LRRTM4: variants seen among roughly 807,000 people sequenced by gnomAD.
The protein encoded by LRRTM4 is leucine-rich repeat transmembrane neuronal protein 4.
LRRTM4 carries 25 observed loss-of-function variants against 47.6 expected under a neutral mutation model. The observed-to-expected ratio is 0.53, with a 90% CI of 0.38 to 0.73. LRRTM4 has a LOEUF of 0.73. Among genes scored for constraint, LRRTM4 ranks in the 30% least tolerant of loss-of-function variants. LRRTM4 has a pLI of 0.00. For missense variants in LRRTM4, 638 were observed against 713.4 expected, an observed-to-expected ratio of 0.89 and a Z score of 1.20; for synonymous variants, 311 against 269.5, an observed-to-expected ratio of 1.15 and a Z score of -1.51.
intron 3 of LRRTM4, among the ~76,000 whole-genome samples, chr2:77,066,268 A>G (rs901998318): frequency 2.6e-5 from 4 of 152,190 alleles, no homozygotes; most frequent in Non-Finnish European, 2.9e-5. Flanking sequence ...TCATCTATAA[A>G]ACTGGGTTAA....
At chr2:77,270,037 C>A (rs1039721476) in intron 3 of LRRTM4, among the ~76,000 whole-genome samples, 1 of 152,176 alleles carries the variant, frequency 6.6e-6, no homozygotes, top group Admixed American at 6.5e-5. Flanking sequence ...CATAGGCATG[C>A]ACTAAAGTAG....
chr2:77,035,728 T>G (rs1659782997), intron 3 of LRRTM4, among the ~76,000 whole-genome samples: 1 of 151,840 alleles, frequency 6.6e-6, no homozygotes, highest in Non-Finnish European at 1.5e-5. Flanking sequence ...CTTTTATTTC[T>G]AAGTACACTT....
chr2:76,907,212 T>C (rs1208604376), intron 3 of LRRTM4, among the ~76,000 whole-genome samples: 1 of 151,922 alleles, frequency 6.6e-6, no homozygotes, highest in Non-Finnish European at 1.5e-5. Flanking sequence ...CTCAACTACA[T>C]GGAAACTGTA....
intron 3 of LRRTM4, among the ~76,000 whole-genome samples, chr2:77,497,989 A>C (rs1678425511): frequency 6.6e-6 from 1 of 151,872 alleles, no homozygotes. Context: ...ACATATAAAT[A>C]CAGATTGACA....
At chr2:76,919,608 G>T (rs144639506) in intron 3 of LRRTM4, among the ~76,000 whole-genome samples, 1 of 152,010 alleles carries the variant, frequency 6.6e-6, no homozygotes, top group Non-Finnish European at 1.5e-5. Flanking sequence ...TGTGAAAGCC[G>T]ATACGAGCCC....
intron 3 of LRRTM4, among the ~76,000 whole-genome samples, chr2:77,314,936 C>T (rs1405463790): frequency 2.6e-5 from 4 of 152,150 alleles, no homozygotes; most frequent in Non-Finnish European, 2.9e-5. Flanking sequence ...CTGCAGCGTA[C>T]TATGCTGTCA....
chr2:77,218,374 C>CT (rs1038250007), intron 3 of LRRTM4, among the ~76,000 whole-genome samples: 7 of 152,010 alleles, frequency 4.6e-5, no homozygotes, highest in East Asian at 3.9e-4. Context: ...TTATTTCAGA[C>CT]TTTTTTTATC....
At chr2:76,803,768 G>C (rs1170039825) in intron 3 of LRRTM4, among the ~76,000 whole-genome samples, 1 of 152,158 alleles carries the variant, frequency 6.6e-6, no homozygotes, top group East Asian at 1.9e-4. Flanking sequence ...TGGATATTGT[G>C]AAGGTTTCCT....
intron 3 of LRRTM4, among the ~76,000 whole-genome samples, chr2:77,421,698 CTCCATCTCAAAAAAAAAAAGGAAGA>C (rs1674898139): frequency 6.7e-6 from 1 of 150,368 alleles, no homozygotes; most frequent in African/African-American, 2.5e-5. Context: ...CAGAGGGAGA[CTCCATCTCAAAAAAAAAAAGGAAGA>C]GTCCAGACAC....
At chr2:77,151,980 C>T (rs576634847) in intron 3 of LRRTM4, among the ~76,000 whole-genome samples, 1 of 152,262 alleles carries the variant, frequency 6.6e-6, no homozygotes, top group South Asian at 2.1e-4. Flanking sequence ...AGGAAATACA[C>T]ATGTAGGCAA....
At chr2:76,805,713 A>T (rs184855961) in intron 3 of LRRTM4, among the ~76,000 whole-genome samples, 3 of 152,202 alleles carry the variant, frequency 2.0e-5, no homozygotes, top group African/African-American at 7.2e-5. Flanking sequence ...TGTATGAAGC[A>T]GTATGTTAAA....
intron 3 of LRRTM4, among the ~76,000 whole-genome samples, chr2:77,051,557 C>T (rs918397930): frequency 6.6e-6 from 1 of 152,092 alleles, no homozygotes; most frequent in African/African-American, 2.4e-5. Context: ...TACATTAATT[C>T]CACCAGTGAA....
intron 3 of LRRTM4, among the ~76,000 whole-genome samples, chr2:77,308,049 A>G (rs1339369329): frequency 1.4e-5 from 2 of 142,116 alleles, no homozygotes; most frequent in Non-Finnish European, 3.0e-5. Context: ...TCTATATAAC[A>G]TTATATATCT....
intron 3 of LRRTM4, among the ~76,000 whole-genome samples, chr2:76,838,780 G>A (rs1372833281): frequency 6.6e-6 from 1 of 152,064 alleles, no homozygotes; most frequent in Non-Finnish European, 1.5e-5. Flanking sequence ...CATGGGACAT[G>A]TTAATAACAG....
intron 3 of LRRTM4, among the ~76,000 whole-genome samples, chr2:77,125,261 C>T (rs893139289): frequency 3.9e-5 from 6 of 151,998 alleles, no homozygotes; most frequent in Admixed American, 6.6e-5. Context: ...AATTGTCCTT[C>T]GTTCTTAGAT....
At chr2:77,347,891 T>C (rs1039757027) in intron 3 of LRRTM4, among the ~76,000 whole-genome samples, 13 of 152,016 alleles carry the variant, frequency 8.6e-5, no homozygotes, top group African/African-American at 2.7e-4. Context: ...TATCTACTTA[T>C]ATCTATCTAA....
chr2:76,750,243 A>G (rs1272963301), intron 3 of LRRTM4, among the ~76,000 whole-genome samples: 1 of 152,182 alleles, frequency 6.6e-6, no homozygotes, highest in African/African-American at 2.4e-5. Flanking sequence ...TATATCCAAC[A>G]TTTGATCTCA....
At chr2:77,116,761 ACACT>A (rs1479153980) in intron 3 of LRRTM4, among the ~76,000 whole-genome samples, 7 of 152,056 alleles carry the variant, frequency 4.6e-5, no homozygotes, top group Non-Finnish European at 1.0e-4. Flanking sequence ...ACTCCCCCAT[ACACT>A]CAAACAACCT....
intron 3 of LRRTM4, among the ~76,000 whole-genome samples, chr2:77,115,785 C>A (rs1328233866): frequency 6.6e-6 from 1 of 152,300 alleles, no homozygotes; most frequent in African/African-American, 2.4e-5. Flanking sequence ...TATCTATAGA[C>A]TTCCTTGACA....
Sources: allele counts gnomAD v4.1 joint callset (sites outside exome capture counted in the v4.1 genomes callset), GRCh38; gene constraint gnomAD v4.1.1; transcripts MANE v1.5; gene names NCBI Gene and HGNC (gene_info 2026-07-23, HGNC 2026-07-21).